Variants in ERBIN observed in about 807,000 individuals in gnomAD.
ERBIN encodes densin-180-like protein.
In ERBIN, 60 loss-of-function variants were observed where a neutral mutation model predicts 158.4. The ratio of observed to expected loss-of-function variants is 0.38; its 90% CI spans 0.31 to 0.47. The LOEUF (loss-of-function observed/expected upper bound fraction) is 0.47. ERBIN is among the 20% of genes least tolerant of loss of function. The pLI, the probability that ERBIN is intolerant of heterozygous loss-of-function variation, is 0.99. For synonymous variants in ERBIN, 594 were observed against 557.2 expected (o/e 1.07, Z -0.93); for missense variants, 1,610 against 1,648.0 (o/e 0.98, Z 0.40).
chr5:65,979,224 C>T (rs945432056), intron 1 of ERBIN, among the ~76,000 whole-genome samples: 2 of 152,088 alleles, frequency 1.3e-5, no homozygotes, highest in Non-Finnish European at 2.9e-5. Flanking sequence ...CCCAGGAGTT[C>T]AAGACCAGCC....
chr5:66,043,156 T>C lies in ERBIN; in HGVS notation c.1386T>C (p.Phe462=). 1 of 1,613,490 alleles carries C rather than the reference T, an allele frequency of 6.2e-7. No individual in the cohort carries two copies. Among genetic ancestry groups the C allele is most frequent in the Non-Finnish European group, 8.5e-7 (1 of 1,179,518 alleles). Residue 462 remains phenylalanine, a synonymous_variant, in exon 16 of 26, where the codon TTT becomes TTC. Coordinates refer to ENST00000284037, the MANE Select transcript of ERBIN (RefSeq NM_001253697.2). ...EQRKQRAQVA[F]ECDEDKDERE... Reference sequence around the variant, plus strand: ...GGAAACAGCGGGCTCAAGTTGCATTTGAATGTGATGAAGACAAAGATGAAA... The same window carrying C: ...GGAAACAGCGGGCTCAAGTTGCATTCGAATGTGATGAAGACAAAGATGAAA...
intron 21 of ERBIN, among the ~76,000 whole-genome samples, chr5:66,057,615 T>C (rs1580491599): frequency 1.3e-5 from 2 of 152,060 alleles, no homozygotes; most frequent in Non-Finnish European, 1.5e-5. Context: ...GTTTGTTTCA[T>C]ATGTATACAT....
intron 1 of ERBIN, among the ~76,000 whole-genome samples, chr5:65,940,692 TG>T (rs1189635223): frequency 5.1e-5 from 1 of 19,492 alleles, no homozygotes; most frequent in East Asian, 9.3e-4. Flanking sequence ...GGGAGGGAGG[TG>T]GGGGGGTCAG....
In ERBIN at chr5:65,992,674, G is replaced by A. The variant is rs765593461; in HGVS notation, c.-9-36G>A. The A allele has an allele frequency of 7.5e-6, 11 of 1,460,006 alleles. No homozygotes were observed. The African/African-American group carries it at 1.4e-4, about 19-fold the overall frequency. The allele number at this position is 1,460,006 out of a possible 1,614,324, so 90.4% of individuals were successfully genotyped here. A position where few individuals can be genotyped will look rare whatever the true frequency, so the allele number is the denominator to read the frequency against. On this transcript the variant is annotated intron_variant, in intron 2 of 25. Transcript: ENST00000284037. ...TTGTTCTGAAAAACCGTTGTAATAT[G>A]TATGTTTTAAATTTCTTTTTATTCG...
At position 65,933,851 on chromosome 5, in the gene ERBIN, T is replaced by C. The variant is rs1055972831; in HGVS notation, c.-58+7045T>C. Among the ~76,000 whole-genome samples the C allele has an allele frequency of 3.9e-5, 6 of 152,292 alleles. 1 individual carries two copies. Among genetic ancestry groups the C allele is most frequent in the Middle Eastern group, 3.4e-3 (1 of 294 alleles). ...TATGGAAAAGTTTGAACATTTTTTT[T>C]CCTGAACCATTTGACTAAGTTGCTA... On this transcript the variant is annotated intron_variant, in intron 1 of 25. Coordinates refer to ENST00000284037, the MANE Select transcript of ERBIN (RefSeq NM_001253697.2).
chr5:66,020,929 C>T (rs1755621460), intron 7 of ERBIN, among the ~76,000 whole-genome samples: 1 of 151,694 alleles, frequency 6.6e-6, no homozygotes, highest in African/African-American at 2.4e-5. Context: ...AATATATGAG[C>T]AGTTTTGAAA....
At chr5:66,001,150 T>A (rs893594533) in intron 4 of ERBIN, among the ~76,000 whole-genome samples, 2 of 152,176 alleles carry the variant, frequency 1.3e-5, no homozygotes, top group African/African-American at 4.8e-5. Flanking sequence ...AAATGTAATA[T>A]TTTGAAATTA....
At chr5:65,989,979 C>G (rs980688215) in intron 2 of ERBIN, among the ~76,000 whole-genome samples, 1 of 151,972 alleles carries the variant, frequency 6.6e-6, no homozygotes, top group East Asian at 1.9e-4. Flanking sequence ...TCTCTTCTGG[C>G]GATTAAAATC....
chr5:66,064,513 A>G (rs1760790023), intron 21 of ERBIN, among the ~76,000 whole-genome samples: 1 of 152,194 alleles, frequency 6.6e-6, no homozygotes, highest in East Asian at 1.9e-4. Context: ...TTTTCCCAGG[A>G]TGATATGTGT....
chr5:66,073,162 A>T (rs1580548072), intron 22 of ERBIN, among the ~76,000 whole-genome samples: 1 of 152,134 alleles, frequency 6.6e-6, no homozygotes, highest in Admixed American at 6.5e-5. Context: ...TTTAACACTG[A>T]TGTAGGCAAG....
chr5:65,933,906 T>C (rs1213008017), intron 1 of ERBIN, among the ~76,000 whole-genome samples: 1 of 152,118 alleles, frequency 6.6e-6, no homozygotes, highest in Non-Finnish European at 1.5e-5. Context: ...TCCCTAAATA[T>C]ATATTTTTTT....
intron 10 of ERBIN, chr5:66,025,206 T>G (rs1379444033): frequency 1.0e-5 from 4 of 395,742 alleles, no homozygotes; most frequent in Non-Finnish European, 1.8e-5. Flanking sequence ...GCTACAACAG[T>G]GAACAACGAA....
intron 14 of ERBIN, among the ~76,000 whole-genome samples, chr5:66,030,330 C>G (rs1201770305): frequency 6.6e-6 from 1 of 152,174 alleles, no homozygotes; most frequent in Admixed American, 6.5e-5. Context: ...GTGTGAGCCA[C>G]CACGCCCAGC....
At chr5:66,018,527 TTATATTA>T (rs1304606047) in intron 7 of ERBIN, among the ~76,000 whole-genome samples, 74 of 4,574 alleles carry the variant, frequency 0.016, 21 homozygotes, top group African/African-American at 0.059. Context: ...ATAATATATA[TTATATTA>T]TATAATATAT....
At chr5:65,989,888 A>C (rs1249564674) in intron 2 of ERBIN, among the ~76,000 whole-genome samples, 1 of 152,226 alleles carries the variant, frequency 6.6e-6, no homozygotes, top group Admixed American at 6.5e-5. Context: ...TTGTATTCTT[A>C]AAATGTCTAG....
intron 6 of ERBIN, 97 bp downstream of exon 6, chr5:66,013,735 T>C (rs1211487888): frequency 2.9e-6 from 2 of 697,126 alleles, no homozygotes; most frequent in Non-Finnish European, 4.9e-6. Context: ...TACAGTTTCA[T>C]AGGCTCTTTT....
intron 4 of ERBIN, among the ~76,000 whole-genome samples, chr5:65,997,359 A>AT (rs924874738): frequency 6.6e-6 from 1 of 151,944 alleles, no homozygotes; most frequent in South Asian, 2.1e-4. Flanking sequence ...CCATTGAGAG[A>AT]TTTTTTTCCT....
chr5:66,057,124 T>G (rs1384066820), intron 21 of ERBIN, among the ~76,000 whole-genome samples: 2 of 152,228 alleles, frequency 1.3e-5, no homozygotes, highest in Admixed American at 6.5e-5. Context: ...TCAAAAAAAT[T>G]TTTTAAAAAG....
chr5:66,006,535 T>A (rs1396853776), intron 4 of ERBIN, among the ~76,000 whole-genome samples: 1 of 151,848 alleles, frequency 6.6e-6, no homozygotes, highest in Non-Finnish European at 1.5e-5. Flanking sequence ...AAGCCAAAAT[T>A]GACAAATGGG....
Sources: gnomAD v4.1 joint callset for allele counts (sites outside exome capture counted in the v4.1 genomes callset) on GRCh38, gnomAD v4.1.1 for gene constraint, MANE v1.5 for transcripts, NCBI Gene and HGNC (gene_info 2026-07-23, HGNC 2026-07-21) for gene names.